Variants in ADGRD2 observed in about 807,000 individuals in gnomAD.
ADGRD2 encodes G protein-coupled receptor PGR24.
In ADGRD2, 71 loss-of-function variants were observed where a neutral mutation model predicts 44.4. The ratio of observed to expected loss-of-function variants is 1.60; its 90% confidence interval spans 1.32 to 1.95. The LOEUF is 1.95. ADGRD2 is among the 30% of genes most tolerant of loss of function. The pLI is 0.00. For synonymous variants in ADGRD2, 481 were observed against 224.8 expected, an observed-to-expected ratio of 2.14 and a Z score of -10.19; for missense variants, 1,039 against 512.4, an observed-to-expected ratio of 2.03 and a Z score of -9.92.
chr9:124,473,552 T>C (rs1831990713), intron 17 of ADGRD2, among the ~76,000 whole-genome samples: 1 of 152,248 alleles, frequency 6.6e-6, no homozygotes, highest in Non-Finnish European at 1.5e-5. Flanking sequence ...TGAGCTCATT[T>C]GTTTTGTTCA....
intron 6 of ADGRD2, among the ~76,000 whole-genome samples, chr9:124,455,916 A>T (rs1376790061): frequency 2.0e-5 from 3 of 152,208 alleles, no homozygotes; most frequent in African/African-American, 7.2e-5. Context: ...GAAGGAGCAA[A>T]CCTGGTCCCC....
upstream of ADGRD2, chr9:124,451,747 G>C: frequency 3.5e-6 from 1 of 288,240 alleles, no homozygotes; most frequent in Non-Finnish European, 6.7e-6. Context: ...GAAGTCAAGG[G>C]GACTCACAGC....
chr9:124,451,298 G>T, upstream of ADGRD2: 2 of 457,410 alleles, frequency 4.4e-6, no homozygotes, highest in South Asian at 1.6e-5. Flanking sequence ...TCCCCCACCC[G>T]CTGCAGGGAC....
exon 2 of ADGRD2, chr9:124,452,626 G>A: frequency 1.4e-6 from 1 of 718,374 alleles, no homozygotes; most frequent in Admixed American, 2.0e-5. Flanking sequence ...TGGCCACTTG[G>A]CACTGCAGCC....
At chr9:124,476,811 A>G in intron 21 of ADGRD2, 102 bp downstream of exon 24, 1 of 671,592 alleles carries the variant, frequency 1.5e-6, no homozygotes. Flanking sequence ...TAATACGCCC[A>G]ACCTCCCGCA....
At chr9:124,470,427 C>G in intron 16 of ADGRD2, 67 bp from the exon 20 acceptor site, 1 of 677,718 alleles carries the variant, frequency 1.5e-6, no homozygotes, top group Non-Finnish European at 2.7e-6. Flanking sequence ...GTGCTGCTCT[C>G]CCTGGAGCCC....
At chr9:124,462,738 ATAT>A (rs1440370513) in intron 10 of ADGRD2, among the ~76,000 whole-genome samples, 1 of 152,210 alleles carries the variant, frequency 6.6e-6, no homozygotes, top group Non-Finnish European at 1.5e-5. Flanking sequence ...TTATACAATG[ATAT>A]TATATTCTGC....
intron 12 of ADGRD2, 90 bp downstream of exon 15, chr9:124,467,914 T>C (rs1831859278): frequency 7.1e-6 from 5 of 707,218 alleles, no homozygotes; most frequent in South Asian, 1.5e-5. Context: ...TGTCCATCCT[T>C]GGTCCCAGCA....
Position 124,454,658 on chromosome 9 carries a change from C to G in ADGRD2, c.1108+89C>G. ...TTTCCTCCCTTGTAAAGGGGACACCCACCTGGTGTGTCTGCAGGAATAAAG... is the reference window on the plus strand; with the variant it reads ...TTTCCTCCCTTGTAAAGGGGACACCGACCTGGTGTGTCTGCAGGAATAAAG... On this transcript the variant is annotated intron_variant, in intron 5 of 21. Transcript: ENST00000334810. This position sits in a 1 kb window ranked among gnomAD's most constrained non-coding sequence, Gnocchi z 4.5. The G allele has an allele frequency of 1.5e-6, 1 of 672,660 alleles. No individual in the cohort carries two copies. Among genetic ancestry groups the G allele is most frequent in the South Asian group, 1.6e-5 (1 of 64,384 alleles). 41.7% of individuals were successfully genotyped at this position (672,660 alleles called of 1,614,324 possible). A position where few individuals can be genotyped will look rare whatever the true frequency, so the allele number is the denominator to read the frequency against.
At chr9:124,467,775 G>A (rs148891250) in exon 12 of ADGRD2, 10 of 718,514 alleles carry the variant, frequency 1.4e-5, no homozygotes, top group East Asian at 1.1e-4. Flanking sequence ...GGGCTGTGGC[G>A]TGTCCTTCTG....
chr9:124,472,930 T>C (rs1189093200), intron 17 of ADGRD2, among the ~76,000 whole-genome samples: 1 of 152,250 alleles, frequency 6.6e-6, no homozygotes, highest in African/African-American at 2.4e-5. Flanking sequence ...AAGGAGAGGC[T>C]GCCTTAGGCA....
At chr9:124,478,008 C>G (rs1832080991) in intron 21 of ADGRD2, among the ~76,000 whole-genome samples, 2 of 152,286 alleles carry the variant, frequency 1.3e-5, no homozygotes, top group South Asian at 4.1e-4. Flanking sequence ...CTTCCAGCCC[C>G]GACCCCACCC....
intron 10 of ADGRD2, chr9:124,465,731 A>C (rs775774893): frequency 2.0e-5 from 3 of 152,108 alleles, no homozygotes; most frequent in Non-Finnish European, 4.4e-5. Flanking sequence ...ACCTCTGTTC[A>C]CCATCTGCCT....
rs1390806920 is a variant in ADGRD2 at position 124,455,205 on chromosome 9, G to C, written c.1393+78G>C. The C allele has an allele frequency of 8.3e-6, 5 of 604,850 alleles. No individual in the cohort carries two copies. In the East Asian group the frequency reaches 1.1e-4, roughly 13 times the overall value. 37.5% of individuals were successfully genotyped at this position (604,850 alleles called of 1,614,324 possible). The stretch of plus-strand genomic sequence containing the variant: ...AGCCACCAGCTGGTTGTGTAGCTGT[G>C]GGGGAGTCAGCATCTAGCTATGGGC... On this transcript the variant is annotated intron_variant, in intron 6 of 21. Coordinates refer to ENST00000334810, the Ensembl canonical transcript of ADGRD2.
chr9:124,467,841 A>G lies in ADGRD2; in HGVS notation c.2130+17A>G. 4.2e-6 allele frequency: 3 copies of G among 718,032 alleles called. No homozygotes were observed. In the South Asian group the frequency reaches 4.4e-5, roughly 11 times the overall value. The allele number at this position is 718,032 out of a possible 1,614,324, so 44.5% of individuals were successfully genotyped here. A position where few individuals can be genotyped will look rare whatever the true frequency, so the allele number is the denominator to read the frequency against. ...GGTGGCCGGGTGAGGAGAGTTCACC[A>G]CTGTAGCCTGGTGGCCTGGGCCCTC... On this transcript the variant is annotated intron_variant, in intron 12 of 21. Transcript: ENST00000334810.
Position 124,458,732 on chromosome 9 carries a change from G to A in ADGRD2, c.1870+11G>A, listed in dbSNP as rs754961344. The stretch of plus-strand genomic sequence containing the variant: ...CAGCACCGGGCCCAGGTACTGGGTG[G>A]CGCTTCTGGGAAGCAGCCATCCTGG... On this transcript the variant is annotated intron_variant, in intron 10 of 21. Transcript: ENST00000334810. The A allele has an allele frequency of 8.4e-6, 6 of 717,238 alleles. No homozygotes were observed. The highest frequency in any genetic ancestry group is 3.5e-5 in the African/African-American group (2 of 57,210). The allele number at this position is 717,238 out of a possible 1,614,324, so 44.4% of individuals were successfully genotyped here.
intron 21 of ADGRD2, 66 bp downstream of exon 24, chr9:124,476,775 G>A (rs903166931): frequency 7.4e-6 from 5 of 674,800 alleles, no homozygotes; most frequent in South Asian, 3.1e-5. Flanking sequence ...TAAGCCCCCC[G>A]TACCAGGATG....
intron 7 of ADGRD2, 124 bp from the exon 11 acceptor site, chr9:124,457,348 T>C (rs1333271116): frequency 2.2e-6 from 1 of 445,648 alleles, no homozygotes; most frequent in Non-Finnish European, 4.0e-6. Context: ...TGAACCTCTC[T>C]GAGCAGGAAT....
intron 10 of ADGRD2, among the ~76,000 whole-genome samples, chr9:124,458,968 C>T (rs544912821): frequency 7.3e-4 from 111 of 152,316 alleles, no homozygotes; most frequent in Middle Eastern, 3.4e-3. Context: ...TCATCCAAAG[C>T]TTGGGAGGGC....
Sources: gnomAD v4.1 joint callset for allele counts (sites outside exome capture counted in the v4.1 genomes callset) on GRCh38, gnomAD v4.1.1 for gene constraint, Gnocchi (gnomAD v3.1) non-coding constraint, MANE v1.5 for transcripts, NCBI Gene and HGNC (gene_info 2026-07-23, HGNC 2026-07-21) for gene names.